Variants in NKAIN2 observed in about 807,000 individuals in gnomAD.
The protein encoded by NKAIN2 is sodium/potassium transporting ATPase interacting 2, also known as sodium/potassium-transporting ATPase subunit beta-1-interacting protein 2.
NKAIN2 carries 14 observed loss-of-function variants against 32.6 expected under a neutral mutation model. The observed-to-expected ratio is 0.43, with a 90% CI of 0.28 to 0.67. The LOEUF (loss-of-function observed/expected upper bound fraction) is 0.67, where lower values mean the gene tolerates loss of function less well. Among genes scored for constraint, NKAIN2 ranks in the 30% least tolerant of loss-of-function variants. The probability of loss-of-function intolerance (pLI) is 0.17; values close to 1 mark genes in which losing one functional copy is unlikely to be tolerated. For missense variants in NKAIN2, 198 were observed against 258.3 expected (o/e 0.77, Z 1.60); for synonymous variants, 80 against 87.2 (o/e 0.92, Z 0.46).
At chr6:124,050,138 A>G (rs1782336766) in intron 1 of NKAIN2, among the ~76,000 whole-genome samples, 1 of 151,976 alleles carries the variant, frequency 6.6e-6, no homozygotes, top group Admixed American at 6.6e-5. Context: ...GGGAGCTACT[A>G]TCAATATAGT....
chr6:123,975,352 GAAACTGCATA>G (rs1778515166), intron 1 of NKAIN2, among the ~76,000 whole-genome samples: 1 of 152,148 alleles, frequency 6.6e-6, no homozygotes. Flanking sequence ...AGGTGGATAA[GAAACTGCATA>G]ATTGAATTAT....
rs536054313 is a variant in NKAIN2, at chr6:124,398,949, CAG to C, written c.273+43605_273+43606del. ...TTGATTTTATTTATTTATTTAGAGA[CAG>C]AGTCTCCCTCTCTTGCCCAGGATGG... On this transcript the variant is annotated intron_variant, in intron 3 of 6. Transcript: ENST00000368417. 3.1e-3 allele frequency among the ~76,000 whole-genome samples: 470 copies of C among 152,272 alleles called. 2 individuals are homozygous for C. Among genetic ancestry groups the C allele is most frequent in the African/African-American group, 0.011 (456 of 41,564 alleles).
At chr6:124,576,899 A>G (rs1000204377) in intron 3 of NKAIN2, among the ~76,000 whole-genome samples, 2 of 152,206 alleles carry the variant, frequency 1.3e-5, no homozygotes, top group Admixed American at 6.5e-5. Context: ...AGAAAACTTC[A>G]TGACTCTGGT....
chr6:124,815,234 A>ATATATATG (rs1026770904), intron 5 of NKAIN2, among the ~76,000 whole-genome samples: 2 of 144,896 alleles, frequency 1.4e-5, no homozygotes, highest in Non-Finnish European at 3.0e-5. Context: ...ACATATATAT[A>ATATATATG]TATATATGTA....
intron 1 of NKAIN2, among the ~76,000 whole-genome samples, chr6:123,908,429 A>G (rs1774998840): frequency 6.6e-6 from 1 of 152,186 alleles, no homozygotes; most frequent in Non-Finnish European, 1.5e-5. Context: ...GATTGCATGC[A>G]TATCCTATTC....
chr6:124,116,400 G>A lies in NKAIN2; in HGVS notation c.55-166605G>A, dbSNP rs188882580. 1.4e-3 allele frequency among the ~76,000 whole-genome samples: 206 copies of A among 152,038 alleles called. 1 individual carries two copies. Among genetic ancestry groups the A allele is most frequent in the African/African-American group, 4.4e-3 (182 of 41,506 alleles). Reference sequence around the variant, plus strand: ...CCTTGAAGTCAGATTAGGCTATCGCGGGAACAGCATGCTTCTAAGATGTTT... The same window carrying A: ...CCTTGAAGTCAGATTAGGCTATCGCAGGAACAGCATGCTTCTAAGATGTTT... On this transcript the variant is annotated intron_variant, in intron 1 of 6. Coordinates refer to ENST00000368417, the MANE Select transcript of NKAIN2 (RefSeq NM_001040214.3).
At chr6:124,679,973 C>T (rs1201681410) in intron 4 of NKAIN2, among the ~76,000 whole-genome samples, 1 of 152,064 alleles carries the variant, frequency 6.6e-6, no homozygotes, top group African/African-American at 2.4e-5. Context: ...ACAGAAACCA[C>T]TGTAAGTGTC....
chr6:123,829,829 C>T (rs62436623), intron 1 of NKAIN2, among the ~76,000 whole-genome samples: 29,263 of 152,086 alleles, frequency 0.19, 2,884 homozygotes, highest in South Asian at 0.24. Context: ...AGCAAAGTAA[C>T]TAACTAATCA....
chr6:124,809,409 C>T (rs1221874331), intron 5 of NKAIN2, among the ~76,000 whole-genome samples: 1 of 147,344 alleles, frequency 6.8e-6, no homozygotes, highest in Non-Finnish European at 1.5e-5. Context: ...ATAAATGGTG[C>T]TGGGAAAACT....
chr6:124,232,598 A>T (rs148585850), intron 1 of NKAIN2, among the ~76,000 whole-genome samples: 159 of 152,226 alleles, frequency 1.0e-3, no homozygotes, highest in African/African-American at 3.7e-3. Context: ...CAAGAAACAA[A>T]TCTTTAATCT....
At chr6:123,843,871 C>G (rs1195432926) in intron 1 of NKAIN2, among the ~76,000 whole-genome samples, 1 of 152,112 alleles carries the variant, frequency 6.6e-6, no homozygotes, top group African/African-American at 2.4e-5. Context: ...TTTCTAGGAA[C>G]AACCCTAAGA....
chr6:124,592,606 T>C (rs942383148), intron 3 of NKAIN2, among the ~76,000 whole-genome samples: 1 of 152,206 alleles, frequency 6.6e-6, no homozygotes, highest in Non-Finnish European at 1.5e-5. Flanking sequence ...CTAATTCACC[T>C]TCTGTATTCA....
intron 1 of NKAIN2, among the ~76,000 whole-genome samples, chr6:124,085,726 G>A (rs1184459011): frequency 1.3e-5 from 2 of 151,874 alleles, no homozygotes; most frequent in African/African-American, 2.4e-5. Flanking sequence ...AAGTATTCCT[G>A]CCCTCCTGGA....
chr6:123,991,664 C>T (rs1779417652), intron 1 of NKAIN2, among the ~76,000 whole-genome samples: 3 of 152,000 alleles, frequency 2.0e-5, no homozygotes, highest in South Asian at 4.2e-4. Flanking sequence ...AGATGGAGAC[C>T]ATCCTGGCTA....
chr6:124,273,745 T>C (rs1230266293), intron 1 of NKAIN2, among the ~76,000 whole-genome samples: 1 of 152,188 alleles, frequency 6.6e-6, no homozygotes, highest in Non-Finnish European at 1.5e-5. Flanking sequence ...AAACATTAGG[T>C]ATTTTTTTCT....
At chr6:124,070,617 C>A (rs988527640) in intron 1 of NKAIN2, among the ~76,000 whole-genome samples, 2 of 152,120 alleles carry the variant, frequency 1.3e-5, no homozygotes, top group Non-Finnish European at 2.9e-5. Flanking sequence ...GTTTGATTTC[C>A]AGCTTTGTCC....
intron 4 of NKAIN2, among the ~76,000 whole-genome samples, chr6:124,703,441 G>C (rs1414665019): frequency 6.6e-6 from 1 of 151,950 alleles, no homozygotes; most frequent in East Asian, 1.9e-4. Context: ...ACAAAATTCT[G>C]ATATTTAGTT....
In NKAIN2 at chr6:124,594,769, C is replaced by G. The variant is rs553591054; in HGVS notation, c.274-63417C>G. 1.1e-3 allele frequency among the ~76,000 whole-genome samples: 166 copies of G among 151,904 alleles called. 1 individual carries two copies. Among genetic ancestry groups the G allele is most frequent in the African/African-American group, 3.8e-3 (156 of 41,456 alleles). On this transcript the variant is annotated intron_variant, in intron 3 of 6. Coordinates refer to ENST00000368417, the MANE Select transcript of NKAIN2 (RefSeq NM_001040214.3). ...GCAAGAGAGAGGACAGTGAGGGGAT[C>G]CAGGCATGGAGGAGAGGAGGGAAAT...
chr6:124,422,393 A>G (rs1005703366), intron 3 of NKAIN2, among the ~76,000 whole-genome samples: 4 of 152,164 alleles, frequency 2.6e-5, no homozygotes, highest in Non-Finnish European at 4.4e-5. Context: ...TTTTGAAACA[A>G]CTTGGATATT....
Sources: gnomAD v4.1 joint callset for allele counts (sites outside exome capture counted in the v4.1 genomes callset) on GRCh38, gnomAD v4.1.1 for gene constraint, MANE v1.5 for transcripts, NCBI Gene and HGNC (gene_info 2026-07-23, HGNC 2026-07-21) for gene names.